CNOT1: variants seen among roughly 807,000 people sequenced by gnomAD.
CNOT1 encodes CCR4-NOT transcription complex subunit 1.
A neutral mutation model predicts 273.8 loss-of-function variants in CNOT1; 15 were observed. The observed-to-expected ratio is 0.05, with a 90% CI of 0.04 to 0.08. The LOEUF is 0.08. CNOT1 is among the 10% of genes least tolerant of loss of function. The probability of loss-of-function intolerance (pLI) is 1.00; values close to 1 mark genes in which losing one functional copy is unlikely to be tolerated. For synonymous variants in CNOT1, 1,022 were observed against 1,005.5 expected (o/e 1.02, Z -0.31); for missense variants, 1,644 against 2,912.2 (o/e 0.56, Z 10.02).
intron 16 of CNOT1, among the ~76,000 whole-genome samples, chr16:58,573,873 A>T (rs2041372520): frequency 6.6e-6 from 1 of 152,090 alleles, no homozygotes; most frequent in Admixed American, 6.6e-5. Context: ...GAAATTCATA[A>T]TCCCCAATTT....
intron 1 of CNOT1, among the ~76,000 whole-genome samples, chr16:58,621,533 A>G (rs1250185750): frequency 1.3e-5 from 2 of 149,884 alleles, no homozygotes; most frequent in African/African-American, 4.9e-5. Context: ...TCGGCCTCCC[A>G]AAGTGCTAGG....
intron 1 of CNOT1, among the ~76,000 whole-genome samples, chr16:58,626,810 A>C (rs1339981492): frequency 6.6e-6 from 1 of 151,850 alleles, no homozygotes; most frequent in Non-Finnish European, 1.5e-5. Flanking sequence ...CAAAATACTC[A>C]TAACAAATAT....
At chr16:58,582,078 G>C (rs1480867912) in intron 10 of CNOT1, among the ~76,000 whole-genome samples, 3 of 141,546 alleles carry the variant, frequency 2.1e-5, no homozygotes, top group Non-Finnish European at 4.5e-5. Context: ...AGGAGTTTGA[G>C]ACCAGCCTGA....
chr16:58,620,618 C>T (rs1263564655), intron 1 of CNOT1, among the ~76,000 whole-genome samples: 1 of 143,216 alleles, frequency 7.0e-6, no homozygotes, highest in Non-Finnish European at 1.5e-5. Context: ...CACTACATTC[C>T]AGCCTGGGTG....
chr16:58,610,205 G>GC (rs1394399879), intron 1 of CNOT1, among the ~76,000 whole-genome samples: 2 of 152,198 alleles, frequency 1.3e-5, no homozygotes, highest in East Asian at 1.9e-4. Flanking sequence ...ATCACTTGAA[G>GC]CCAGGAGTTC....
intron 1 of CNOT1, among the ~76,000 whole-genome samples, chr16:58,625,319 CCTGA>C (rs369603410): frequency 0.049 from 7,503 of 152,188 alleles, 248 homozygotes; most frequent in Middle Eastern, 0.088. Context: ...TCGAGACCAG[CCTGA>C]CTAACGTGGT....
At chr16:58,543,114 A>G in intron 31 of CNOT1, 1 of 1,290,108 alleles carries the variant, frequency 7.8e-7, no homozygotes, top group Non-Finnish European at 9.9e-7. Context: ...AAAAAAAGGC[A>G]AAAAACAACC....
chr16:58,551,765 T>C lies in CNOT1; in HGVS notation c.3025A>G (p.Ile1009Val), dbSNP rs2040455102. The C allele has an allele frequency of 2.5e-6, 4 of 1,614,104 alleles. No individual in the cohort carries two copies. The highest frequency in any genetic ancestry group is 2.5e-6 in the Non-Finnish European group (3 of 1,180,044). The change falls in exon 23 of 49, where the codon ATC (isoleucine) becomes GTC (valine). Residue 1009 changes from isoleucine to valine, a missense_variant. By Grantham distance (29) the Ile-to-Val change is conservative. This residue lies in a region of CNOT1 where 77 missense variants were observed against 90.5 expected (regional missense o/e 0.85). Transcript: ENST00000317147. ...RDPPVKMQGS[I>V]TTPGSIALAQ... ...AGTGCAATACTTCCAGGGGTTGTGA[T>C]AGAGCCTTGCATTTTCACAGGAGGA...
Position 58,557,004 on chromosome 16 carries a change from C to T in CNOT1, c.2333-11G>A, listed in dbSNP as rs764889414. 2.9e-5 allele frequency: 46 copies of T among 1,610,338 alleles called. No individual in the cohort carries two copies. Among genetic ancestry groups the T allele is most frequent in the South Asian group, 9.9e-5 (9 of 90,558 alleles). On this transcript the variant is annotated splice_polypyrimidine_tract_variant and intron_variant, in intron 18 of 48. Transcript: ENST00000317147. The stretch of plus-strand genomic sequence containing the variant: ...TGCCAAGACCACCTACTAGAGAGAA[C>T]GAAGGCAGCCACAAATCCTATCATT...
At chr16:58,572,144 G>A (rs1230975136) in intron 16 of CNOT1, among the ~76,000 whole-genome samples, 4 of 151,820 alleles carry the variant, frequency 2.6e-5, no homozygotes, top group Admixed American at 6.6e-5. Flanking sequence ...TTAGCTAGGC[G>A]TGGTGGCGCA....
chr16:58,567,074 AG>A (rs767337127), intron 16 of CNOT1, among the ~76,000 whole-genome samples: 6 of 152,170 alleles, frequency 3.9e-5, no homozygotes, highest in Non-Finnish European at 7.4e-5. Context: ...AGACTAAGCC[AG>A]GAGTTCAAGG....
chr16:58,608,669 T>C (rs2042778692), intron 1 of CNOT1, among the ~76,000 whole-genome samples: 1 of 152,044 alleles, frequency 6.6e-6, no homozygotes, highest in Non-Finnish European at 1.5e-5. Flanking sequence ...CTTGCACACG[T>C]TTACAGCAGC....
chr16:58,583,004 TAAA>T, intron 9 of CNOT1, 49 bp downstream of exon 9: 2 of 1,604,344 alleles, frequency 1.2e-6, no homozygotes, highest in Middle Eastern at 1.7e-4. Context: ...TAAAAAAAAA[TAAA>T]GAGGACAGGA....
chr16:58,545,635 T>C, intron 29 of CNOT1, 144 bp from the exon 30 acceptor site: 4 of 1,419,958 alleles, frequency 2.8e-6, no homozygotes, highest in Non-Finnish European at 3.7e-6. Flanking sequence ...GTCCTATTTT[T>C]CCCACCCTGA....
chr16:58,565,876 G>A (rs191660837), intron 16 of CNOT1, among the ~76,000 whole-genome samples: 24 of 151,414 alleles, frequency 1.6e-4, no homozygotes, highest in Admixed American at 6.6e-4. Context: ...GGAAGCAGGG[G>A]TTGTAGTGAG....
chr16:58,530,581 G>A (rs1162445341), intron 42 of CNOT1: 2 of 308,020 alleles, frequency 6.5e-6, no homozygotes, highest in Non-Finnish European at 1.2e-5. Flanking sequence ...TCAGGAGTTC[G>A]AGACCAGCCT....
chr16:58,620,959 GATTA>G (rs1289430723), intron 1 of CNOT1, among the ~76,000 whole-genome samples: 2 of 151,900 alleles, frequency 1.3e-5, no homozygotes, highest in East Asian at 3.8e-4. Context: ...CTATAATGGA[GATTA>G]GTTAGAAAGT....
intron 2 of CNOT1, among the ~76,000 whole-genome samples, chr16:58,589,206 T>C (rs1341362632): frequency 6.6e-6 from 1 of 152,122 alleles, no homozygotes; most frequent in Non-Finnish European, 1.5e-5. Context: ...CCAGCTGTAA[T>C]TCAATATTAT....
intron 16 of CNOT1, among the ~76,000 whole-genome samples, chr16:58,571,196 G>A (rs1376263970): frequency 6.6e-6 from 1 of 152,080 alleles, no homozygotes; most frequent in Non-Finnish European, 1.5e-5. Context: ...CAAAACAAAT[G>A]TTTAAGAAAA....
Sources: allele counts gnomAD v4.1 joint callset (sites outside exome capture counted in the v4.1 genomes callset), GRCh38; gene constraint gnomAD v4.1.1; regional missense constraint gnomAD v4.1.1; transcripts MANE v1.5; gene names NCBI Gene and HGNC (gene_info 2026-07-23, HGNC 2026-07-21).